SPTAN1: variants seen among roughly 807,000 people sequenced by gnomAD.
The protein encoded by SPTAN1 is spectrin alpha, non-erythrocytic 1.
SPTAN1 carries 61 observed loss-of-function variants against 331.3 expected under a neutral mutation model. The ratio of observed to expected loss-of-function variants is 0.18; its 90% confidence interval spans 0.15 to 0.23. SPTAN1 has a LOEUF of 0.23. Among genes scored for constraint, SPTAN1 ranks in the 10% least tolerant of loss-of-function variants. The pLI is 1.00. For synonymous variants in SPTAN1, 1,153 were observed against 1,173.9 expected, an observed-to-expected ratio of 0.98 and a Z score of 0.36; for missense variants, 2,043 against 3,147.9, an observed-to-expected ratio of 0.65 and a Z score of 8.40.
intron 56 of SPTAN1, 25 bp downstream of exon 56, chr9:128,632,980 A>G (rs747871167): frequency 6.2e-7 from 1 of 1,608,894 alleles, no homozygotes; most frequent in Non-Finnish European, 8.5e-7. Context: ...AGGTGGGTGA[A>G]GAGGTGTCCT....
At chr9:128,606,482 TATA>T (rs1182990400) in intron 31 of SPTAN1, among the ~76,000 whole-genome samples, 2 of 21,332 alleles carry the variant, frequency 9.4e-5, no homozygotes, top group African/African-American at 2.1e-4. Flanking sequence ...CATATATATA[TATA>T]TATTTTTTTT....
Position 128,632,259 on chromosome 9 carries a change from TG to T in SPTAN1, c.6898del (p.Asp2300ThrfsTer26). 1 of 1,613,372 alleles carries T rather than the reference TG, an allele frequency of 6.2e-7. No individual in the cohort carries two copies. The highest frequency in any genetic ancestry group is 8.5e-7 in the Non-Finnish European group (1 of 1,179,962). ...EHSTVGLAQQWDQLDQLGMRM... is the reference protein window; with the variant it reads ...EHSTVGLAQQXDQLDQLGMRM... ...CAGCACCGTGGGCCTCGCCCAGCAGTGGGACCAGCTGGACCAGCTGGGCATG... is the reference window on the plus strand; with the variant it reads ...CAGCACCGTGGGCCTCGCCCAGCAGTGGACCAGCTGGACCAGCTGGGCATG... On this transcript the variant is annotated frameshift_variant, in exon 53 of 57. Coordinates refer to ENST00000372739, the MANE Select transcript of SPTAN1 (RefSeq NM_001130438.3). LOFTEE classifies it high-confidence loss of function.
chr9:128,629,866 G>A lies in SPTAN1; in HGVS notation c.6708-455G>A. On this transcript the variant is annotated intron_variant, in intron 51 of 56. Coordinates refer to ENST00000372739, the MANE Select transcript of SPTAN1 (RefSeq NM_001130438.3). This position sits in a 1 kb window ranked among gnomAD's most constrained non-coding sequence, Gnocchi z 4.9. The stretch of plus-strand genomic sequence containing the variant: ...CCCTAGAATGGGGCTCCCTCCCTCA[G>A]GAACCTTGCCGGGACACTCCAGGGT... 3.0e-6 allele frequency: 1 copy of A among 328,452 alleles called. No homozygotes were observed. Among genetic ancestry groups the A allele is most frequent in the South Asian group, 2.6e-5 (1 of 39,086 alleles). 20.3% of individuals were successfully genotyped at this position (328,452 alleles called of 1,614,324 possible).
At chr9:128,598,252 A>C in intron 24 of SPTAN1, 148 bp from the exon 25 acceptor site, 1 of 655,184 alleles carries the variant, frequency 1.5e-6, no homozygotes, top group Non-Finnish European at 2.6e-6. Context: ...CCCCAGCCAT[A>C]GCTTATTTTT....
At position 128,625,065 on chromosome 9, in the gene SPTAN1, T is replaced by G; in HGVS notation, c.5993-38T>G. The G allele has an allele frequency of 6.3e-7, 1 of 1,590,194 alleles. No homozygotes were observed. The highest frequency in any genetic ancestry group is 2.2e-5 in the East Asian group (1 of 44,784). ...TTTTTCCTTTCTAATCCATCTCCAC[T>G]GAGGAGGGCAGTATATTTTCCACAC... On this transcript the variant is annotated intron_variant, in intron 46 of 56. Coordinates refer to ENST00000372739, the MANE Select transcript of SPTAN1 (RefSeq NM_001130438.3). This position sits in a 1 kb window ranked among gnomAD's most constrained non-coding sequence, Gnocchi z 4.1.
intron 45 of SPTAN1, among the ~76,000 whole-genome samples, chr9:128,623,547 C>G (rs2131899218): frequency 6.6e-6 from 1 of 151,858 alleles, no homozygotes; most frequent in Non-Finnish European, 1.5e-5. Context: ...CCTCCACCTC[C>G]CAGGTTCAAG....
At chr9:128,556,886 A>G (rs913917714) in intron 1 of SPTAN1, among the ~76,000 whole-genome samples, 6 of 152,240 alleles carry the variant, frequency 3.9e-5, no homozygotes, top group African/African-American at 1.4e-4. Flanking sequence ...CTGAGAATCA[A>G]CTGGTATACA....
Position 128,632,633 on chromosome 9 carries a change from T to A in SPTAN1, c.7075T>A (p.Ser2359Thr). Residue 2359 changes from serine (S) to threonine (T), a missense_variant, in exon 55 of 57, where the codon TCC becomes ACC. Physicochemically the swap from Ser to Thr is moderately conservative, Grantham distance 58. Coordinates refer to ENST00000372739, the MANE Select transcript of SPTAN1 (RefSeq NM_001130438.3). ...NHQEFKSCLR[S>T]LGYDLPMVEE... ...TCAGGAGTTCAAATCTTGCCTGCGC[T>A]CCCTGGGCTATGACCTGCCCATGGT... The A allele has an allele frequency of 6.2e-7, 1 of 1,614,022 alleles. No individual in the cohort carries two copies. The highest frequency in any genetic ancestry group is 8.5e-7 in the Non-Finnish European group (1 of 1,180,022).
chr9:128,573,609 A>C (rs1589171508), intron 3 of SPTAN1, among the ~76,000 whole-genome samples: 2 of 148,536 alleles, frequency 1.3e-5, no homozygotes, highest in South Asian at 2.1e-4. Context: ...GGTGTGTGCC[A>C]CCATGCCCGG....
chr9:128,613,455 A>T lies in SPTAN1; in HGVS notation c.5118A>T (p.Gln1706His). 2 of 1,614,202 alleles carry T rather than the reference A, an allele frequency of 1.2e-6. No homozygotes were observed. Among genetic ancestry groups the T allele is most frequent in the Non-Finnish European group, 1.7e-6 (2 of 1,180,040 alleles). ...ASVNNLLKKH[Q>H]LLEADISAHE... ...TGAACAACCTGCTGAAAAAGCATCAACTGCTGGAAGCAGATATATCTGCCC... is the reference window on the plus strand; with the variant it reads ...TGAACAACCTGCTGAAAAAGCATCATCTGCTGGAAGCAGATATATCTGCCC... Residue 1706 changes from glutamine to histidine, a missense_variant, in exon 40 of 57, where the codon CAA becomes CAT. Around this residue, in one of 12 missense-constraint regions of SPTAN1, gnomAD observed 323 missense variants for 581.1 expected, o/e 0.56. Coordinates refer to ENST00000372739, the MANE Select transcript of SPTAN1 (RefSeq NM_001130438.3).
Position 128,568,846 on chromosome 9 carries a change from A to C in SPTAN1, c.312A>C (p.Glu104Asp). Residue 104 changes from glutamate (E) to aspartate (D), a missense_variant, in exon 3 of 57, where the codon GAA becomes GAC. Physicochemically the swap from Glu to Asp is conservative, Grantham distance 45 (BLOSUM62 2). This residue lies in a region of SPTAN1 where 1,038 missense variants were observed against 1,531.5 expected (regional missense o/e 0.68). Coordinates refer to ENST00000372739, the MANE Select transcript of SPTAN1 (RefSeq NM_001130438.3). ...CAGGAGCCATTGTTAAGCTGGATGA[A>C]ACTGGAAACCTGATGATCTCAGAAG... ...ANSGAIVKLD[E>D]TGNLMISEGH... The C allele has an allele frequency of 6.2e-7, 1 of 1,614,152 alleles. No individual in the cohort carries two copies. The highest frequency in any genetic ancestry group is 1.3e-5 in the African/African-American group (1 of 75,048).
Position 128,613,408 on chromosome 9 carries a change from T to G in SPTAN1, c.5071T>G (p.Tyr1691Asp), listed in dbSNP as rs1856785067. ...GGAGGCCCTGCTGGCATCCGAAGAT[T>G]ATGGCAAAGACCTAGCTTCTGTGAA... ...EVEALLASEDYGKDLASVNNL... is the reference protein window; with the variant it reads ...EVEALLASEDDGKDLASVNNL... The change falls in exon 40 of 57, where the codon TAT (tyrosine) becomes GAT (aspartate). Residue 1691 changes from tyrosine to aspartate, a missense_variant. This residue lies in a region of SPTAN1 where 323 missense variants were observed against 581.1 expected (regional missense o/e 0.56). Coordinates refer to ENST00000372739, the MANE Select transcript of SPTAN1 (RefSeq NM_001130438.3). 6.2e-7 allele frequency: 1 copy of G among 1,614,240 alleles called. No individual in the cohort carries two copies. The highest frequency in any genetic ancestry group is 8.5e-7 in the Non-Finnish European group (1 of 1,180,048).
chr9:128,578,298 C>T (rs1851534975), intron 9 of SPTAN1, 53 bp downstream of exon 9: 2 of 1,607,434 alleles, frequency 1.2e-6, no homozygotes, highest in African/African-American at 2.7e-5. Flanking sequence ...TTATAATGCA[C>T]CAGTTTATCA....
At chr9:128,603,290 GT>G (rs1368007108) in intron 27 of SPTAN1, among the ~76,000 whole-genome samples, 1 of 152,046 alleles carries the variant, frequency 6.6e-6, no homozygotes, top group Non-Finnish European at 1.5e-5. Context: ...TAGAATTGTG[GT>G]TTTTACCATT....
intron 41 of SPTAN1, among the ~76,000 whole-genome samples, chr9:128,616,653 G>C (rs1857202042): frequency 1.3e-5 from 2 of 151,780 alleles, no homozygotes; most frequent in Non-Finnish European, 2.9e-5. Context: ...TGTGGTCCCA[G>C]CTGCTTGTGA....
intron 40 of SPTAN1, 149 bp downstream of exon 40, chr9:128,613,634 A>C: frequency 1.5e-6 from 1 of 669,698 alleles, no homozygotes; most frequent in Non-Finnish European, 2.7e-6. Context: ...ATCATTATAC[A>C]CTTGGCAGTT....
chr9:128,618,857 T>A lies in SPTAN1; in HGVS notation c.5601-14T>A. The A allele has an allele frequency of 1.9e-6, 3 of 1,614,080 alleles. No homozygotes were observed. Among genetic ancestry groups the A allele is most frequent in the South Asian group, 2.2e-5 (2 of 91,078 alleles). ...GAGATTATGGCTGATTTTCTTCCTG[T>A]CTCCTGTAATTAGGGGTCAGCGGCT... On this transcript the variant is annotated splice_polypyrimidine_tract_variant and intron_variant, in intron 43 of 56. Transcript: ENST00000372739.
intron 28 of SPTAN1, 93 bp from the exon 29 acceptor site, chr9:128,604,233 C>T (rs911493471): frequency 2.4e-6 from 3 of 1,226,214 alleles, no homozygotes; most frequent in South Asian, 1.3e-5. Context: ...TATGCCCTAG[C>T]ATCTCCTTCA....
chr9:128,607,544 G>A, intron 31 of SPTAN1, 60 bp from the exon 32 acceptor site: 1 of 1,392,126 alleles, frequency 7.2e-7, no homozygotes, highest in Non-Finnish European at 1.0e-6. Context: ...TGTTTTCCTG[G>A]GCAGAAGATC....
Sources: gnomAD v4.1 joint callset for allele counts (sites outside exome capture counted in the v4.1 genomes callset) on GRCh38, gnomAD v4.1.1 for gene constraint, gnomAD v4.1.1 regional missense constraint, Gnocchi (gnomAD v3.1) non-coding constraint, MANE v1.5 for transcripts, NCBI Gene and HGNC (gene_info 2026-07-23, HGNC 2026-07-21) for gene names.